Variants in GABRA1 observed in about 807,000 individuals in gnomAD.
GABRA1 encodes the protein gamma-aminobutyric acid receptor subunit alpha-1.
In GABRA1, 9 loss-of-function variants were observed where a neutral mutation model predicts 48.9. The observed-to-expected ratio is 0.18, with a 90% CI of 0.11 to 0.32. The LOEUF is 0.32. Among genes scored for constraint, GABRA1 ranks in the 10% least tolerant of loss-of-function variants. The probability of loss-of-function intolerance (pLI) is 1.00; values close to 1 mark genes in which losing one functional copy is unlikely to be tolerated. For missense variants in GABRA1, 285 were observed against 553.8 expected (o/e 0.51, Z 4.87); for synonymous variants, 210 against 198.7 (o/e 1.06, Z -0.48).
intron 2 of GABRA1, among the ~76,000 whole-genome samples, 179 bp downstream of exon 2, chr5:161,851,063 C>T (rs992192305): frequency 1.3e-5 from 2 of 152,050 alleles, no homozygotes; most frequent in African/African-American, 2.4e-5. Context: ...TATGTTTGCA[C>T]GTTAGTTAGA....
intron 4 of GABRA1, among the ~76,000 whole-genome samples, chr5:161,869,585 T>C (rs1754020856): frequency 6.6e-6 from 1 of 152,198 alleles, no homozygotes; most frequent in African/African-American, 2.4e-5. Context: ...CAGAGCCTTG[T>C]TTTCCATAGT....
At chr5:161,848,097 T>A (rs1019555198), upstream of GABRA1, 2 of 152,128 alleles carry the variant, frequency 1.3e-5, no homozygotes, top group African/African-American at 4.8e-5. Context: ...TAAAATAAAA[T>A]CTCTCTGGCA....
At position 161,853,303 on chromosome 5, in the gene GABRA1, T is replaced by A. The variant is rs1293855354; in HGVS notation, c.75-855T>A. 2.6e-5 allele frequency among the ~76,000 whole-genome samples: 4 copies of A among 151,904 alleles called. No homozygotes were observed. In the South Asian group the frequency reaches 8.3e-4, roughly 32 times the overall value. ...ATAATGGTAAGGGACACAGGCTACA[T>A]CTCCAACTAGCAACGTTTAAATATA... On this transcript the variant is annotated intron_variant, in intron 2 of 9. Transcript: ENST00000393943.
At position 161,879,120 on chromosome 5, in the gene GABRA1, T is replaced by C. The variant is rs1031770315; in HGVS notation, c.560-3438T>C. On this transcript the variant is annotated intron_variant, in intron 6 of 9. Coordinates refer to ENST00000393943, the MANE Select transcript of GABRA1 (RefSeq NM_001127644.2). Reference sequence around the variant, plus strand: ...TTGTCTTTTTTATTTTATTAATTAATGTTTTTGAGACAGGGTCTCTCTCTG... The same window carrying C: ...TTGTCTTTTTTATTTTATTAATTAACGTTTTTGAGACAGGGTCTCTCTCTG... Among the ~76,000 whole-genome samples, 13 of 152,314 alleles carry C rather than the reference T, an allele frequency of 8.5e-5. No individual in the cohort carries two copies. The East Asian group carries it at 2.3e-3, about 27-fold the overall frequency.
chr5:161,885,475 G>A lies in GABRA1; in HGVS notation c.703+2774G>A, dbSNP rs186514897. ...TACTTTAAAATTCTCCCTGGAGAGA[G>A]AATCATTCAATCCCCTTGGTAGTTT... is the stretch of plus-strand genomic sequence containing the variant. On this transcript the variant is annotated intron_variant, in intron 7 of 9. Transcript: ENST00000393943. 4.6e-3 allele frequency among the ~76,000 whole-genome samples: 693 copies of A among 152,228 alleles called. 4 individuals carry two copies. The highest frequency in any genetic ancestry group is 0.015 in the African/African-American group (640 of 41,558).
Position 161,865,793 on chromosome 5 carries a change from G to A in GABRA1, c.255+5G>A, listed in dbSNP as rs1400399917. The A allele has an allele frequency of 1.9e-6, 3 of 1,608,298 alleles. No homozygotes were observed. Among genetic ancestry groups the A allele is most frequent in the Non-Finnish European group, 2.6e-6 (3 of 1,174,954 alleles). ...CCCGTTTCAGACCATGATATGGTAA[G>A]TGGACACTTTATCTTTGCTTTTCTT... On this transcript the variant is annotated splice_donor_5th_base_variant and intron_variant, in intron 4 of 9. Transcript: ENST00000393943.
intron 8 of GABRA1, among the ~76,000 whole-genome samples, chr5:161,893,280 T>C (rs1755204144): frequency 6.6e-6 from 1 of 152,066 alleles, no homozygotes; most frequent in African/African-American, 2.4e-5. Context: ...TTGATGAACA[T>C]AACTATATGT....
chr5:161,887,900 T>C (rs1241105631), intron 7 of GABRA1, among the ~76,000 whole-genome samples: 1 of 152,102 alleles, frequency 6.6e-6, no homozygotes, highest in Non-Finnish European at 1.5e-5. Context: ...ATTATATTAA[T>C]TGGACAAATC....
In GABRA1 at chr5:161,854,238, G is replaced by C; in HGVS notation, c.155G>C (p.Gly52Ala). The C allele has an allele frequency of 6.2e-7, 1 of 1,604,952 alleles. No homozygotes were observed. Among genetic ancestry groups the C allele is most frequent in the Non-Finnish European group, 8.5e-7 (1 of 1,172,030 alleles). The part of the protein sequence containing the change: ...FTRILDRLLD[G>A]YDNRLRPGLG... ...AGGATTTTGGACAGACTCCTAGATG[G>C]TTATGACAATCGCCTGAGACCAGGA... Residue 52 changes from glycine to alanine, a missense_variant, in exon 3 of 10, where the codon GGT (glycine) becomes GCT (alanine). Transcript: ENST00000393943.
At chr5:161,855,191 A>T (rs548371074) in intron 3 of GABRA1, among the ~76,000 whole-genome samples, 1 of 151,770 alleles carries the variant, frequency 6.6e-6, no homozygotes, top group South Asian at 2.1e-4. Flanking sequence ...TAAGACAGCC[A>T]CTTCTTCTTC....
chr5:161,895,618 T>G, intron 8 of GABRA1, 48 bp from the exon 9 acceptor site: 1 of 1,516,976 alleles, frequency 6.6e-7, no homozygotes, highest in South Asian at 1.1e-5. Flanking sequence ...CATGATGAAA[T>G]TTCACAGTAT....
At chr5:161,857,858 T>C (rs1374234546) in intron 3 of GABRA1, among the ~76,000 whole-genome samples, 3 of 151,624 alleles carry the variant, frequency 2.0e-5, no homozygotes, top group Admixed American at 2.0e-4. Context: ...GGGCTGCTAC[T>C]TTCTTACAAC....
rs113838174 is a variant in GABRA1 at position 161,893,722 on chromosome 5, T to C, written c.857-1944T>C. 5.1e-3 allele frequency among the ~76,000 whole-genome samples: 781 copies of C among 152,318 alleles called. 5 individuals are homozygous for C. The highest frequency in any genetic ancestry group is 0.017 in the African/African-American group (720 of 41,582). ...TCAGTCTCGCCACCTACCAGCTGCA[T>C]GGCATTGGCAAATTTACTTCCTCTT... On this transcript the variant is annotated intron_variant, in intron 8 of 9. Coordinates refer to ENST00000393943, the MANE Select transcript of GABRA1 (RefSeq NM_001127644.2).
At position 161,884,105 on chromosome 5, in the gene GABRA1, T is replaced by C. The variant is rs531267875; in HGVS notation, c.703+1404T>C. On this transcript the variant is annotated intron_variant, in intron 7 of 9. Transcript: ENST00000393943. ...ATTTTGTATTAAAGATGAAATAATA[T>C]AAAATATTGCAGAGTGTTATATAAT... Among the ~76,000 whole-genome samples, 6 of 152,202 alleles carry C rather than the reference T, an allele frequency of 3.9e-5. No homozygotes were observed. The South Asian group carries it at 1.2e-3, about 32-fold the overall frequency.
intron 1 of GABRA1, among the ~76,000 whole-genome samples, chr5:161,849,380 T>C (rs1054868500): frequency 7.9e-5 from 12 of 152,198 alleles, no homozygotes; most frequent in Admixed American, 1.3e-4. Flanking sequence ...GCAATTTAGA[T>C]GTAGCATTTT....
At chr5:161,853,524 C>T (rs898052424) in intron 2 of GABRA1, 3 of 151,626 alleles carry the variant, frequency 2.0e-5, no homozygotes, top group African/African-American at 7.3e-5. Flanking sequence ...ACATCTGAGA[C>T]TAGAAATAAT....
At chr5:161,856,522 C>T (rs1757649878) in intron 3 of GABRA1, among the ~76,000 whole-genome samples, 1 of 150,982 alleles carries the variant, frequency 6.6e-6, no homozygotes, top group South Asian at 2.1e-4. Flanking sequence ...GGTAACAATG[C>T]CTTTTGAGGG....
intron 4 of GABRA1, among the ~76,000 whole-genome samples, chr5:161,867,175 T>C (rs377509875): frequency 2.0e-5 from 3 of 152,294 alleles, no homozygotes; most frequent in Admixed American, 6.5e-5. Flanking sequence ...TAACATGTGA[T>C]ACAATGTGTT....
At position 161,895,761 on chromosome 5, in the gene GABRA1, G is replaced by C. The variant is rs1755335973; in HGVS notation, c.952G>C (p.Ala318Pro). The C allele has an allele frequency of 6.2e-7, 1 of 1,613,758 alleles. No homozygotes were observed. Among genetic ancestry groups the C allele is most frequent in the Admixed American group, 1.7e-5 (1 of 59,960 alleles). Residue 318 changes from alanine (A) to proline (P), a missense_variant, in exon 9 of 10, where the codon GCC becomes CCC. Coordinates refer to ENST00000393943, the MANE Select transcript of GABRA1 (RefSeq NM_001127644.2). ...AYATAMDWFI[A>P]VCYAFVFSAL... ...TGCAACAGCTATGGATTGGTTTATT[G>C]CCGTGTGCTATGCCTTTGTGTTCTC... is the stretch of plus-strand genomic sequence containing the variant.
Sources: gnomAD v4.1 joint callset for allele counts (sites outside exome capture counted in the v4.1 genomes callset) on GRCh38, gnomAD v4.1.1 for gene constraint, MANE v1.5 for transcripts, NCBI Gene and HGNC (gene_info 2026-07-23, HGNC 2026-07-21) for gene names.